The following CYS1 variants were observed in gnomAD, a reference collection of about 807,000 sequenced individuals.
The protein encoded by CYS1 is cystin 1, also known as cystin-1.
Under a neutral mutation model 9.6 loss-of-function variants are expected in CYS1, and 5 were observed. The ratio of observed to expected loss-of-function variants is 0.52; its 90% CI spans 0.27 to 1.10. The LOEUF is 1.10. Among genes scored for constraint, CYS1 ranks in the 50% least tolerant of loss-of-function variants. CYS1 has a pLI of 0.11. For missense variants in CYS1, 221 were observed against 207.9 expected (o/e 1.06, Z -0.39); for synonymous variants, 88 against 95.7 (o/e 0.92, Z 0.47).
chr2:10,071,068 C>T (rs1572458748), intron 1 of CYS1, among the ~76,000 whole-genome samples: 3 of 152,142 alleles, frequency 2.0e-5, no homozygotes, highest in Admixed American at 1.3e-4. Context: ...CAGGTTCAAG[C>T]GATTCTCCTG....
At chr2:10,066,593 T>A (rs1323539462) in intron 1 of CYS1, among the ~76,000 whole-genome samples, 2 of 152,258 alleles carry the variant, frequency 1.3e-5, no homozygotes, top group Admixed American at 1.3e-4. Flanking sequence ...CCCTGTCTCA[T>A]TCCTGGCATC....
chr2:10,074,579 T>G (rs914678756), intron 1 of CYS1, among the ~76,000 whole-genome samples: 1 of 152,218 alleles, frequency 6.6e-6, no homozygotes, highest in Non-Finnish European at 1.5e-5. Flanking sequence ...AAGGGAAATT[T>G]TCTTTGCAAT....
At chr2:10,065,119 C>T (rs906136472) in intron 2 of CYS1, among the ~76,000 whole-genome samples, 5 of 152,308 alleles carry the variant, frequency 3.3e-5, no homozygotes, top group Admixed American at 6.5e-5. Context: ...ATGCCCCTCC[C>T]GGGCTGGGCC....
At chr2:10,065,105 G>A (rs1661677801) in intron 2 of CYS1, among the ~76,000 whole-genome samples, 1 of 152,038 alleles carries the variant, frequency 6.6e-6, no homozygotes, top group Admixed American at 6.5e-5. Context: ...CATTTCCCGA[G>A]ACCATGCCCC....
At chr2:10,078,584 C>A in intron 1 of CYS1, among the ~76,000 whole-genome samples, 1 of 152,252 alleles carries the variant, frequency 6.6e-6, no homozygotes, top group African/African-American at 2.4e-5. Context: ...TCCACAGACC[C>A]TTCCAGATTC....
chr2:10,064,867 ACCACTGTG>A (rs1315475782), intron 2 of CYS1, among the ~76,000 whole-genome samples: 1 of 148,726 alleles, frequency 6.7e-6, no homozygotes, highest in African/African-American at 2.5e-5. Context: ...ACAGGTGCGC[ACCACTGTG>A]CCCGGCTAAT....
chr2:10,069,340 G>A (rs1661734639), intron 1 of CYS1, among the ~76,000 whole-genome samples: 1 of 152,070 alleles, frequency 6.6e-6, no homozygotes, highest in South Asian at 2.1e-4. Flanking sequence ...ACCCTTTCTG[G>A]AGGAAAAAAA....
intron 1 of CYS1, among the ~76,000 whole-genome samples, chr2:10,075,346 G>A (rs1406474138): frequency 6.6e-6 from 1 of 152,252 alleles, no homozygotes; most frequent in Admixed American, 6.5e-5. Flanking sequence ...ACTTGCAAAC[G>A]TGCATTTACG....
At chr2:10,077,500 C>A (rs1016269890) in intron 1 of CYS1, among the ~76,000 whole-genome samples, 2 of 152,198 alleles carry the variant, frequency 1.3e-5, no homozygotes, top group Non-Finnish European at 2.9e-5. Context: ...TTAAAGGTTT[C>A]TTTTCCTCCT....
intron 2 of CYS1, among the ~76,000 whole-genome samples, chr2:10,060,826 C>T (rs896629523): frequency 6.6e-6 from 1 of 152,236 alleles, no homozygotes; most frequent in Admixed American, 6.5e-5. Flanking sequence ...AGCTACTCCA[C>T]GAGTCCAGCC....
chr2:10,074,056 C>T (rs1250693136), intron 1 of CYS1, among the ~76,000 whole-genome samples: 4 of 152,170 alleles, frequency 2.6e-5, no homozygotes, highest in Non-Finnish European at 5.9e-5. Context: ...ATTCTTCCTT[C>T]AGTTTTTGAT....
Position 10,065,896 on chromosome 2 carries a change from G to A in CYS1, c.371+8C>T. On this transcript the variant is annotated splice_region_variant and intron_variant, in intron 2 of 2. Transcript: ENST00000381813. ...CTTCTGGGAGAGATGTGCCTCCCTG[G>A]TACTTACTCAGAGACATTGCCGCTC... The A allele has an allele frequency of 6.8e-6, 11 of 1,614,070 alleles. No individual in the cohort carries two copies. Among genetic ancestry groups the A allele is most frequent in the Non-Finnish European group, 9.3e-6 (11 of 1,179,956 alleles).
chr2:10,062,938 A>C (rs1162554459), intron 2 of CYS1, among the ~76,000 whole-genome samples: 1 of 152,194 alleles, frequency 6.6e-6, no homozygotes, highest in East Asian at 1.9e-4. Context: ...GTTCCCCTCC[A>C]TGAGCCCCTG....
chr2:10,061,527 C>T (rs1661626362), intron 2 of CYS1, among the ~76,000 whole-genome samples: 1 of 152,256 alleles, frequency 6.6e-6, no homozygotes, highest in African/African-American at 2.4e-5. Flanking sequence ...CCCTGCTTGC[C>T]TGTGGATGTG....
intron 1 of CYS1, among the ~76,000 whole-genome samples, chr2:10,068,308 G>A (rs928336177): frequency 8.5e-5 from 13 of 152,122 alleles, no homozygotes; most frequent in Non-Finnish European, 1.8e-4. Flanking sequence ...GATCTTCATT[G>A]GTATATTTTT....
intron 1 of CYS1, among the ~76,000 whole-genome samples, chr2:10,071,817 C>T (rs976389479): frequency 3.9e-5 from 6 of 152,134 alleles, no homozygotes; most frequent in Admixed American, 6.6e-5. Context: ...CCTGGACGGA[C>T]GTGGGGAACC....
At position 10,058,858 on chromosome 2, in the gene CYS1, G is replaced by A. The variant is rs759217282; in HGVS notation, c.472C>T (p.Arg158Cys). The A allele has an allele frequency of 2.5e-6, 4 of 1,575,396 alleles. No homozygotes were observed. The African/African-American group carries it at 4.0e-5, about 16-fold the overall frequency. Residue 158 changes from arginine (R) to cysteine (C), a missense_variant, in exon 3 of 3, where the codon CGC becomes TGC. Coordinates refer to ENST00000381813, the MANE Select transcript of CYS1 (RefSeq NM_001037160.3). Reference sequence around the variant, plus strand: ...GGGGGTGGAGCATGCTGTCCTCAGCGGCAGTACTCCCGCTCGATGCTCGCC... The same window carrying A: ...GGGGGTGGAGCATGCTGTCCTCAGCAGCAGTACTCCCGCTCGATGCTCGCC... ...LMASIEREYC[R>C]
chr2:10,059,085 G>A (rs944818562), intron 2 of CYS1, 127 bp from the exon 3 acceptor site: 7 of 833,776 alleles, frequency 8.4e-6, no homozygotes, highest in Non-Finnish European at 1.1e-5. Context: ...TTTGCCCTGG[G>A]ACACCCTGTG....
chr2:10,080,363 G>A lies in CYS1; in HGVS notation c.-140C>T. 2.5e-6 allele frequency: 1 copy of A among 393,634 alleles called. No individual in the cohort carries two copies. Among genetic ancestry groups the A allele is most frequent in the Non-Finnish European group, 3.5e-6 (1 of 287,032 alleles). 24.4% of individuals were successfully genotyped at this position (393,634 alleles called of 1,614,324 possible). A position where few individuals can be genotyped will look rare whatever the true frequency, so the allele number is the denominator to read the frequency against. On this transcript the variant is annotated 5_prime_UTR_variant, in exon 1 of 3. Transcript: ENST00000381813. The surrounding 1 kb of genome is among the most constrained non-coding windows in gnomAD (Gnocchi z 6.4). Reference sequence around the variant, plus strand: ...GGTCCGGGAAGCGACCGCGGCCAGGGGCTAGGGTTCCCGGGCGGGGGTCGC... The same window carrying A: ...GGTCCGGGAAGCGACCGCGGCCAGGAGCTAGGGTTCCCGGGCGGGGGTCGC...
Sources: gnomAD v4.1 joint callset for allele counts (sites outside exome capture counted in the v4.1 genomes callset) on GRCh38, gnomAD v4.1.1 for gene constraint, Gnocchi (gnomAD v3.1) non-coding constraint, MANE v1.5 for transcripts, NCBI Gene and HGNC (gene_info 2026-07-23, HGNC 2026-07-21) for gene names.